CILP: variants seen among roughly 807,000 people sequenced by gnomAD.
CILP encodes the protein cartilage intermediate layer protein 1.
CILP carries 75 observed loss-of-function variants against 82.5 expected under a neutral mutation model. That is an observed-to-expected ratio of 0.91 (90% CI 0.75 to 1.10). The LOEUF (loss-of-function observed/expected upper bound fraction) is 1.10. CILP is among the 50% of genes least tolerant of loss of function. The pLI is 0.00. For missense variants in CILP, 1,479 were observed against 1,530.8 expected (o/e 0.97, Z 0.56); for synonymous variants, 530 against 580.3 (o/e 0.91, Z 1.25).
intron 4 of CILP, 87 bp from the exon 5 acceptor site, chr15:65,205,553 G>A: frequency 1.5e-6 from 2 of 1,305,582 alleles, no homozygotes; most frequent in East Asian, 2.5e-5. Context: ...TTCTTCTCTG[G>A]TAAAGACAAG....
chr15:65,201,636 G>A (rs575197397), intron 8 of CILP, among the ~76,000 whole-genome samples: 9 of 150,356 alleles, frequency 6.0e-5, no homozygotes, highest in Admixed American at 5.3e-4. Context: ...GGCTGAGGCA[G>A]GAGAATCACT....
Position 65,198,848 on chromosome 15 carries a change from A to G in CILP, c.1438T>C (p.Cys480Arg). The G allele has an allele frequency of 6.2e-7, 1 of 1,613,958 alleles. No homozygotes were observed. The highest frequency in any genetic ancestry group is 8.5e-7 in the Non-Finnish European group (1 of 1,180,004). The change falls in exon 9 of 9, where the codon TGC (cysteine) becomes CGC (arginine). Residue 480 changes from cysteine (C) to arginine (R), a missense_variant. By Grantham distance (180) the Cys-to-Arg change is radical. Coordinates refer to ENST00000261883, the MANE Select transcript of CILP (RefSeq NM_003613.4). ...YTLPTKVAKE[C>R]SCQRCTETRS... is the part of the protein sequence containing the mutation. ...GTTTCCGTACACCGCTGGCAGCTGC[A>G]CTCCTTGGCCACCTTGGTGGGTAGC...
At chr15:65,210,777 G>GA (rs1043166117) in intron 1 of CILP, among the ~76,000 whole-genome samples, 1 of 152,160 alleles carries the variant, frequency 6.6e-6, no homozygotes, top group Non-Finnish European at 1.5e-5. Context: ...TCCAGGGGAA[G>GA]AAAAAACCAG....
intron 8 of CILP, among the ~76,000 whole-genome samples, chr15:65,201,330 G>A (rs1241771581): frequency 2.6e-5 from 4 of 151,962 alleles, no homozygotes; most frequent in East Asian, 1.9e-4. Flanking sequence ...CTTGTTTGTC[G>A]CTTATTTACA....
intron 8 of CILP, among the ~76,000 whole-genome samples, chr15:65,200,582 T>C (rs2088437059): frequency 6.6e-6 from 1 of 152,156 alleles, no homozygotes; most frequent in South Asian, 2.1e-4. Flanking sequence ...CAGCTCTAGA[T>C]CACCCTTTCT....
rs1175029344 is a variant in CILP, at chr15:65,196,770, C to G, written c.3516G>C (p.Leu1172=). The change falls in exon 9 of 9, where the codon CTG becomes CTC. Residue 1172 remains leucine (L), a synonymous_variant. Coordinates refer to ENST00000261883, the MANE Select transcript of CILP (RefSeq NM_003613.4). The part of the protein sequence containing the change: ...GQRQGGVVAS[L]RFPRVAQQPL... ...GCTGTTGAGCAACTCTAGGAAATCT[C>G]AGAGAGGCCACCACTCCACCCTGGC... 1.3e-6 allele frequency: 2 copies of G among 1,570,132 alleles called. No individual in the cohort carries two copies. The highest frequency in any genetic ancestry group is 1.2e-5 in the South Asian group (1 of 84,010).
At chr15:65,201,326 T>C (rs2088448457) in intron 8 of CILP, among the ~76,000 whole-genome samples, 1 of 152,110 alleles carries the variant, frequency 6.6e-6, no homozygotes, top group South Asian at 2.1e-4. Context: ...CTATCTTGTT[T>C]GTCGCTTATT....
intron 2 of CILP, among the ~76,000 whole-genome samples, chr15:65,208,090 A>T (rs1419675612): frequency 6.6e-6 from 1 of 152,116 alleles, no homozygotes; most frequent in East Asian, 1.9e-4. Flanking sequence ...CTAGAAATGG[A>T]TTATCAGATG....
At chr15:65,209,012 C>CTTTTTTTTTTTTTTTTTTTT (rs556369891) in intron 2 of CILP, among the ~76,000 whole-genome samples, 8 of 69,982 alleles carry the variant, frequency 1.1e-4, no homozygotes, top group Admixed American at 2.3e-4. Flanking sequence ...GGGTTTTGAG[C>CTTTTTTTTTTTTTTTTTTTT]TTTTTTTTTT....
intron 3 of CILP, 84 bp downstream of exon 3, chr15:65,207,588 A>G: frequency 8.0e-7 from 1 of 1,247,654 alleles, no homozygotes. Flanking sequence ...GGACCCTGAC[A>G]TCATGCCCTG....
Position 65,204,286 on chromosome 15 carries a change from C to T in CILP, c.901G>A (p.Ala301Thr). The T allele has an allele frequency of 6.2e-7, 1 of 1,613,970 alleles. No homozygotes were observed. Among genetic ancestry groups the T allele is most frequent in the Non-Finnish European group, 8.5e-7 (1 of 1,179,982 alleles). ...KTSLKAATIK[A>T]EFVRAETPYM... ...TAGTTACCTGCCCTCACAAACTCTG[C>T]CTTGATGGTGGCTGCCTTCAGGCTA... Residue 301 changes from alanine to threonine, a missense_variant, in exon 6 of 9, where the codon GCA (alanine) becomes ACA (threonine). Coordinates refer to ENST00000261883, the MANE Select transcript of CILP (RefSeq NM_003613.4).
At position 65,196,566 on chromosome 15, in the gene CILP, G is replaced by A. The variant is rs116717041; in HGVS notation, c.*165C>T. On this transcript the variant is annotated 3_prime_UTR_variant, in exon 9 of 9. Transcript: ENST00000261883. ...TTTATTGTGCCATTGTGGGGGCCAC[G>A]TGCCAATCAGTAGCATGGGACAAAG... The A allele has an allele frequency of 1.1e-3, 588 of 555,188 alleles. 1 individual carries two copies. The highest frequency in any genetic ancestry group is 9.9e-3 in the African/African-American group (522 of 52,762). 34.4% of individuals were successfully genotyped at this position (555,188 alleles called of 1,614,324 possible). A position where few individuals can be genotyped will look rare whatever the true frequency, so the allele number is the denominator to read the frequency against.
At position 65,196,512 on chromosome 15, in the gene CILP, T is replaced by C; in HGVS notation, c.*219A>G. On this transcript the variant is annotated 3_prime_UTR_variant, in exon 9 of 9. Coordinates refer to ENST00000261883, the MANE Select transcript of CILP (RefSeq NM_003613.4). ...TTACCAGTGGCCAATTTCTTGTGTTTCATTTAAAGAACAGTTTCACAAAGG... is the reference window on the plus strand; with the variant it reads ...TTACCAGTGGCCAATTTCTTGTGTTCCATTTAAAGAACAGTTTCACAAAGG... 4.6e-6 allele frequency: 2 copies of C among 438,508 alleles called. No homozygotes were observed. The highest frequency in any genetic ancestry group is 8.0e-6 in the Non-Finnish European group (2 of 250,294). 27.2% of individuals were successfully genotyped at this position (438,508 alleles called of 1,614,324 possible).
In CILP at chr15:65,198,634, G is replaced by T. The variant is rs778453693; in HGVS notation, c.1652C>A (p.Thr551Asn). The change falls in exon 9 of 9, where the codon ACC (threonine) becomes AAC (asparagine). Residue 551 changes from threonine to asparagine, a missense_variant. Transcript: ENST00000261883. ...FVDRLQKFVN[T>N]TKVLPFNKKG... ...CTTGTTGAAAGGTAGCACTTTGGTG[G>T]TGTTGACAAACTTCTGCAGCCTGTC... 1.9e-6 allele frequency: 3 copies of T among 1,614,236 alleles called. No individual in the cohort carries two copies. The highest frequency in any genetic ancestry group is 2.5e-6 in the Non-Finnish European group (3 of 1,180,042).
At chr15:65,202,176 G>T in intron 7 of CILP, 147 bp from the exon 8 acceptor site, 1 of 630,742 alleles carries the variant, frequency 1.6e-6, no homozygotes. Flanking sequence ...TCATCCAAGA[G>T]CACTAATTGG....
chr15:65,209,388 A>G (rs1368644896), intron 2 of CILP, among the ~76,000 whole-genome samples: 1 of 152,146 alleles, frequency 6.6e-6, no homozygotes, highest in African/African-American at 2.4e-5. Flanking sequence ...GGCTGCCAGG[A>G]AGCTCGGAGC....
chr15:65,197,374 C>T lies in CILP; in HGVS notation c.2912G>A (p.Arg971His), dbSNP rs765770685. The T allele has an allele frequency of 2.0e-5, 33 of 1,614,106 alleles. No homozygotes were observed. The highest frequency in any genetic ancestry group is 3.3e-5 in the Admixed American group (2 of 60,014). The change falls in exon 9 of 9, where the codon CGC (arginine) becomes CAC (histidine). Residue 971 changes from arginine (R) to histidine (H), a missense_variant. By Grantham distance (29) the Arg-to-His change is conservative. Transcript: ENST00000261883. Reference sequence around the variant, plus strand: ...CTGCCGATGAGTGCCCCCCATGTTGCGGGATCGCACATTCACTTCCAGTGG... The same window carrying T: ...CTGCCGATGAGTGCCCCCCATGTTGTGGGATCGCACATTCACTTCCAGTGG... ...VGPLEVNVRS[R>H]NMGGTHRQTV...
In CILP at chr15:65,198,627, T is replaced by C. The variant is rs2088410730; in HGVS notation, c.1659A>G (p.Lys553=). 6.2e-7 allele frequency: 1 copy of C among 1,614,094 alleles called. No individual in the cohort carries two copies. Among genetic ancestry groups the C allele is most frequent in the African/African-American group, 1.3e-5 (1 of 74,936 alleles). The stretch of plus-strand genomic sequence containing the variant: ...TCCCCTTCTTGTTGAAAGGTAGCAC[T>C]TTGGTGGTGTTGACAAACTTCTGCA... The part of the protein sequence containing the change: ...DRLQKFVNTT[K]VLPFNKKGSA... Residue 553 remains lysine, a synonymous_variant, in exon 9 of 9, where the codon AAA becomes AAG. Coordinates refer to ENST00000261883, the MANE Select transcript of CILP (RefSeq NM_003613.4).
Position 65,197,888 on chromosome 15 carries a change from T to G in CILP, c.2398A>C (p.Ile800Leu), listed in dbSNP as rs1055013334. Residue 800 changes from isoleucine to leucine, a missense_variant, in exon 9 of 9, where the codon ATC becomes CTC. By Grantham distance (5) the Ile-to-Leu change is conservative. Transcript: ENST00000261883. ...ACACAGGCCCCGTTGGGGCCTGTGA[T>G]GACACTGTCAAAGCGGCCCCAGGCC... ...PRAWGRFDSVITGPNGACVPA... is the reference protein window; with the variant it reads ...PRAWGRFDSVLTGPNGACVPA... The G allele has an allele frequency of 6.2e-6, 10 of 1,613,750 alleles. No individual in the cohort carries two copies. Among genetic ancestry groups the G allele is most frequent in the Non-Finnish European group, 7.6e-6 (9 of 1,179,958 alleles).
Sources: gnomAD v4.1 joint callset for allele counts (sites outside exome capture counted in the v4.1 genomes callset) on GRCh38, gnomAD v4.1.1 for gene constraint, MANE v1.5 for transcripts, NCBI Gene and HGNC (gene_info 2026-07-23, HGNC 2026-07-21) for gene names.